The following GPAM variants were observed in gnomAD, a reference collection of about 807,000 sequenced individuals.
GPAM encodes the protein glycerol-3-phosphate acyltransferase, mitochondrial, also known as glycerol-3-phosphate acyltransferase 1, mitochondrial.
GPAM carries 56 observed loss-of-function variants against 105.0 expected under a neutral mutation model. The ratio of observed to expected loss-of-function variants is 0.53; its 90% CI spans 0.43 to 0.67. The LOEUF is 0.67. Among genes scored for constraint, GPAM ranks in the 30% least tolerant of loss-of-function variants. GPAM has a pLI of 0.00. For missense variants in GPAM, 855 were observed against 989.8 expected (o/e 0.86, Z 1.83); for synonymous variants, 368 against 354.4 (o/e 1.04, Z -0.43).
intron 8 of GPAM, among the ~76,000 whole-genome samples, chr10:112,172,554 T>G (rs1847331602): frequency 6.6e-6 from 1 of 152,226 alleles, no homozygotes; most frequent in African/African-American, 2.4e-5. Context: ...GAGTTCCAGT[T>G]GACCTATACC....
chr10:112,169,458 C>T (rs755608483), intron 9 of GPAM, among the ~76,000 whole-genome samples: 11 of 152,082 alleles, frequency 7.2e-5, no homozygotes, highest in African/African-American at 9.7e-5. Context: ...CAACTGAAAC[C>T]AAGCATAACC....
In GPAM at chr10:112,152,584, C is replaced by G; in HGVS notation, c.*966G>C. 2.0e-6 allele frequency: 2 copies of G among 985,448 alleles called. No individual in the cohort carries two copies. Among genetic ancestry groups the G allele is most frequent in the Non-Finnish European group, 2.4e-6 (2 of 829,930 alleles). The allele number at this position is 985,448 out of a possible 1,614,324, so 61.0% of individuals were successfully genotyped here. ...TGTGTGCAGTACAGAAAGCCCTCAT[C>G]AGCTGTGGCCAGAGAACTGTATTCT... is the stretch of plus-strand genomic sequence containing the variant. On this transcript the variant is annotated 3_prime_UTR_variant, in exon 22 of 22. Coordinates refer to ENST00000348367, the MANE Select transcript of GPAM (RefSeq NM_001244949.2).
upstream of GPAM, among the ~76,000 whole-genome samples, chr10:112,187,219 G>A (rs756875643): frequency 6.6e-6 from 1 of 152,006 alleles, no homozygotes; most frequent in Non-Finnish European, 1.5e-5. Context: ...AAAATACATG[G>A]CAAGATGATA....
chr10:112,199,802 A>G (rs1179712155), intron 1 of GPAM, among the ~76,000 whole-genome samples: 1 of 152,134 alleles, frequency 6.6e-6, no homozygotes, highest in Non-Finnish European at 1.5e-5. Context: ...TTATAAAACT[A>G]TCAGATCTCA....
At position 112,175,725 on chromosome 10, in the gene GPAM, A is replaced by G. The variant is rs2133258615; in HGVS notation, c.300-12T>C. ...GCCATCCGCGGTGTCTGTGAAAATG[A>G]TTTAGCAGAGAAGTATTAGAGGTAC... On this transcript the variant is annotated splice_polypyrimidine_tract_variant and intron_variant, in intron 5 of 21. Transcript: ENST00000348367. 3 of 1,535,824 alleles carry G rather than the reference A, an allele frequency of 2.0e-6. No homozygotes were observed. Among genetic ancestry groups the G allele is most frequent in the Non-Finnish European group, 2.7e-6 (3 of 1,108,654 alleles).
At chr10:112,154,534 G>T in intron 21 of GPAM, 95 bp downstream of exon 21, 1 of 913,656 alleles carries the variant, frequency 1.1e-6, no homozygotes, top group East Asian at 2.5e-5. Context: ...TGCTTCTCTC[G>T]GGGTCCACCC....
chr10:112,179,392 T>A (rs1847465771), intron 4 of GPAM, among the ~76,000 whole-genome samples: 1 of 152,246 alleles, frequency 6.6e-6, no homozygotes, highest in Non-Finnish European at 1.5e-5. Context: ...AATGACATTC[T>A]GTTTAAATCT....
chr10:112,190,716 C>T (rs755359179), intron 1 of GPAM, among the ~76,000 whole-genome samples: 24 of 152,062 alleles, frequency 1.6e-4, no homozygotes, highest in Non-Finnish European at 2.8e-4. Flanking sequence ...TAACGGCACC[C>T]CACACTTGGA....
chr10:112,189,059 A>G (rs1847626146), intron 1 of GPAM, among the ~76,000 whole-genome samples: 1 of 152,216 alleles, frequency 6.6e-6, no homozygotes, highest in Non-Finnish European at 1.5e-5. Context: ...CCCATGTATA[A>G]TAGCATTGCT....
At chr10:112,171,735 C>T (rs1003810912) in intron 9 of GPAM, among the ~76,000 whole-genome samples, 23 of 152,184 alleles carry the variant, frequency 1.5e-4, no homozygotes, top group Admixed American at 1.5e-3. Flanking sequence ...ACATACCTTT[C>T]ACATGATATT....
rs1019122468 is a variant in GPAM, at chr10:112,152,394, A to G, written c.*1156T>C. The G allele has an allele frequency of 6.1e-6, 6 of 984,972 alleles. No individual in the cohort carries two copies. The African/African-American group carries it at 8.7e-5, about 14-fold the overall frequency. 61.0% of individuals were successfully genotyped at this position (984,972 alleles called of 1,614,324 possible). A position where few individuals can be genotyped will look rare whatever the true frequency, so the allele number is the denominator to read the frequency against. ...GCATAAGGGTTTAGGCATATAACCC[A>G]TAAAAATTTGTTAAAAGTCATGGTT... On this transcript the variant is annotated 3_prime_UTR_variant, in exon 22 of 22. Transcript: ENST00000348367.
intron 1 of GPAM, among the ~76,000 whole-genome samples, chr10:112,210,963 C>T (rs1847904337): frequency 6.6e-6 from 1 of 152,238 alleles, no homozygotes; most frequent in African/African-American, 2.4e-5. Flanking sequence ...TTCCTGTTCT[C>T]AGAATCTCAC....
chr10:112,171,926 G>A (rs1272529220), intron 9 of GPAM, among the ~76,000 whole-genome samples: 1 of 151,976 alleles, frequency 6.6e-6, no homozygotes, highest in African/African-American at 2.4e-5. Context: ...TTATCTATTT[G>A]ATAAACAATG....
rs145094466 is a variant in GPAM at position 112,163,667 on chromosome 10, A to C, written c.1423+34T>G. ...TTGCACCATACCATGATGAATCTAAATTGTAGAATTAAAGAGTCTGGTATT... is the reference window on the plus strand; with the variant it reads ...TTGCACCATACCATGATGAATCTAACTTGTAGAATTAAAGAGTCTGGTATT... On this transcript the variant is annotated intron_variant, in intron 14 of 21. Coordinates refer to ENST00000348367, the MANE Select transcript of GPAM (RefSeq NM_001244949.2). The C allele has an allele frequency of 2.6e-3, 2,550 of 989,558 alleles. 11 individuals are homozygous for C. The highest frequency in any genetic ancestry group is 2.7e-3 in the Admixed American group (157 of 59,006). 61.3% of individuals were successfully genotyped at this position (989,558 alleles called of 1,614,324 possible).
chr10:112,174,743 A>C (rs959273539), intron 6 of GPAM, among the ~76,000 whole-genome samples: 2 of 152,228 alleles, frequency 1.3e-5, no homozygotes, highest in Non-Finnish European at 2.9e-5. Context: ...TTCCCTAAAA[A>C]GCATTCATTG....
chr10:112,159,861 G>A (rs753137304), intron 17 of GPAM, 50 bp downstream of exon 17: 2 of 1,592,952 alleles, frequency 1.3e-6, no homozygotes, highest in Non-Finnish European at 1.7e-6. Context: ...ACGTTTTCAT[G>A]AAAACGCTCA....
At position 112,160,534 on chromosome 10, in the gene GPAM, T is replaced by C. The variant is rs1410721592; in HGVS notation, c.1759+70A>G. On this transcript the variant is annotated intron_variant, in intron 16 of 21. Coordinates refer to ENST00000348367, the MANE Select transcript of GPAM (RefSeq NM_001244949.2). The stretch of plus-strand genomic sequence containing the variant: ...GGGCTATCACCCAAATTAAAGCAGA[T>C]ACCACTATGTGTTTTAGGCCTTTTT... 11 of 1,441,138 alleles carry C rather than the reference T, an allele frequency of 7.6e-6. No homozygotes were observed. The East Asian group carries it at 1.8e-4, about 24-fold the overall frequency. 89.3% of individuals were successfully genotyped at this position (1,441,138 alleles called of 1,614,324 possible).
intron 20 of GPAM, 125 bp downstream of exon 20, chr10:112,155,739 G>A (rs1230616508): frequency 1.6e-6 from 1 of 638,196 alleles, no homozygotes; most frequent in Non-Finnish European, 2.8e-6. Flanking sequence ...GAAGATAATA[G>A]TAATACTCTA....
intron 7 of GPAM, among the ~76,000 whole-genome samples, chr10:112,173,330 C>T (rs1296748191): frequency 6.6e-6 from 1 of 152,126 alleles, no homozygotes; most frequent in East Asian, 1.9e-4. Flanking sequence ...ACATTTTATA[C>T]TGCAGAAGCA....
Sources: allele counts gnomAD v4.1 joint callset (sites outside exome capture counted in the v4.1 genomes callset), GRCh38; gene constraint gnomAD v4.1.1; transcripts MANE v1.5; gene names NCBI Gene and HGNC (gene_info 2026-07-23, HGNC 2026-07-21).